TLL1: variants seen among roughly 807,000 people sequenced by gnomAD.
TLL1 encodes tolloid-like protein 1.
Under a neutral mutation model 128.2 loss-of-function variants are expected in TLL1, and 49 were observed. That is an observed-to-expected ratio of 0.38 (90% CI 0.30 to 0.48). The LOEUF (loss-of-function observed/expected upper bound fraction) is 0.48. Among genes scored for constraint, TLL1 ranks in the 20% least tolerant of loss-of-function variants. TLL1 has a pLI of 0.96. For synonymous variants in TLL1, 454 were observed against 418.8 expected, an observed-to-expected ratio of 1.08 and a Z score of -1.03; for missense variants, 1,123 against 1,242.0, an observed-to-expected ratio of 0.90 and a Z score of 1.44.
chr4:166,028,812 G>T (rs184502566), intron 9 of TLL1, among the ~76,000 whole-genome samples: 18 of 151,928 alleles, frequency 1.2e-4, no homozygotes, highest in African/African-American at 4.1e-4. Flanking sequence ...TAATATATTT[G>T]CCAGGTATAT....
At chr4:165,881,861 C>A (rs1486460297) in intron 1 of TLL1, among the ~76,000 whole-genome samples, 1 of 152,162 alleles carries the variant, frequency 6.6e-6, no homozygotes, top group Non-Finnish European at 1.5e-5. Context: ...AGAATTTAGT[C>A]ATGAGTGCCC....
intron 18 of TLL1, among the ~76,000 whole-genome samples, chr4:166,087,084 G>A (rs889861591): frequency 2.0e-5 from 3 of 152,098 alleles, no homozygotes; most frequent in African/African-American, 7.2e-5. Context: ...GAAAGACTCT[G>A]ATCATTAAAT....
chr4:165,976,670 A>G lies in TLL1; in HGVS notation c.170-12711A>G, dbSNP rs557679802. On this transcript the variant is annotated intron_variant, in intron 1 of 20. Coordinates refer to ENST00000061240, the MANE Select transcript of TLL1 (RefSeq NM_012464.5). ...CATATAAAGTGATTGTTACCAACATAGTAGGATATTAAAGCTATACACCAA... is the reference window on the plus strand; with the variant it reads ...CATATAAAGTGATTGTTACCAACATGGTAGGATATTAAAGCTATACACCAA... Among the ~76,000 whole-genome samples, 4 of 152,362 alleles carry G rather than the reference A, an allele frequency of 2.6e-5. No individual in the cohort carries two copies. The East Asian group carries it at 7.7e-4, about 29-fold the overall frequency.
At chr4:165,989,265 A>G in intron 1 of TLL1, 116 bp from the exon 2 acceptor site, 2 of 753,696 alleles carry the variant, frequency 2.7e-6, no homozygotes, top group Admixed American at 2.2e-5. Flanking sequence ...TTTCTGAAAG[A>G]TCTGTCTCTA....
intron 1 of TLL1, among the ~76,000 whole-genome samples, chr4:165,943,202 C>G (rs772290670): frequency 2.0e-5 from 3 of 151,944 alleles, no homozygotes; most frequent in Non-Finnish European, 4.4e-5. Flanking sequence ...TCCTTGCAGT[C>G]TAATTATTTA....
At chr4:166,072,304 A>G (rs1251407356) in intron 16 of TLL1, among the ~76,000 whole-genome samples, 1 of 151,970 alleles carries the variant, frequency 6.6e-6, no homozygotes, top group Non-Finnish European at 1.5e-5. Context: ...AAAATGACAG[A>G]TACTTAGAGA....
intron 12 of TLL1, among the ~76,000 whole-genome samples, chr4:166,046,860 C>T (rs573553999): frequency 1.3e-5 from 2 of 152,190 alleles, no homozygotes; most frequent in East Asian, 3.9e-4. Flanking sequence ...TTCAGTATTC[C>T]GAGCAACTTA....
At chr4:166,085,026 T>G (rs1741443827) in intron 18 of TLL1, among the ~76,000 whole-genome samples, 1 of 152,090 alleles carries the variant, frequency 6.6e-6, no homozygotes, top group African/African-American at 2.4e-5. Context: ...CAAAGTATTT[T>G]AATTTTTGGA....
intron 1 of TLL1, among the ~76,000 whole-genome samples, chr4:165,933,238 C>G (rs113174650): frequency 2.6e-5 from 4 of 152,308 alleles, no homozygotes; most frequent in African/African-American, 9.6e-5. Context: ...CCCCCATACA[C>G]TCCCTGAGAT....
At chr4:165,989,517 T>C (rs372357832) in intron 2 of TLL1, 26 bp downstream of exon 2, 39 of 1,567,296 alleles carry the variant, frequency 2.5e-5, no homozygotes, top group Non-Finnish European at 3.4e-5. Context: ...TCAGAAAATT[T>C]GTCTTTATTT....
At chr4:165,894,142 T>G (rs1389258197) in intron 1 of TLL1, among the ~76,000 whole-genome samples, 2 of 152,150 alleles carry the variant, frequency 1.3e-5, no homozygotes, top group African/African-American at 4.8e-5. Context: ...GAATAATGTC[T>G]GAAGCGATAA....
intron 1 of TLL1, among the ~76,000 whole-genome samples, chr4:165,882,413 CCT>C (rs1234494935): frequency 4.6e-5 from 7 of 151,846 alleles, no homozygotes; most frequent in Non-Finnish European, 5.9e-5. Context: ...TTTTTTCTTG[CCT>C]CTTTCTTTTC....
intron 5 of TLL1, among the ~76,000 whole-genome samples, chr4:165,998,940 G>T (rs760103499): frequency 6.6e-6 from 1 of 152,100 alleles, no homozygotes; most frequent in Non-Finnish European, 1.5e-5. Context: ...TAGGCAGTAC[G>T]GGTGTGCTAG....
At chr4:165,905,472 C>A (rs1732206740) in intron 1 of TLL1, among the ~76,000 whole-genome samples, 1 of 152,102 alleles carries the variant, frequency 6.6e-6, no homozygotes, top group Admixed American at 6.6e-5. Context: ...TTAAACTTTC[C>A]TTTAGCCCTG....
intron 1 of TLL1, among the ~76,000 whole-genome samples, chr4:165,899,477 T>C (rs1373697647): frequency 6.6e-6 from 1 of 152,134 alleles, no homozygotes; most frequent in Non-Finnish European, 1.5e-5. Context: ...ATTTCGTTAT[T>C]TACCTAGTAG....
intron 12 of TLL1, among the ~76,000 whole-genome samples, chr4:166,051,958 G>T (rs1394187169): frequency 6.6e-6 from 1 of 151,984 alleles, no homozygotes; most frequent in Non-Finnish European, 1.5e-5. Context: ...TTTACTCTTT[G>T]TGTATCATAT....
At chr4:166,090,999 G>T in intron 18 of TLL1, 129 bp from the exon 19 acceptor site, 3 of 693,250 alleles carry the variant, frequency 4.3e-6, no homozygotes, top group South Asian at 2.0e-5. Context: ...TCTTAATTAT[G>T]CTGTAAATGT....
chr4:165,969,240 A>G (rs1052579743), intron 1 of TLL1, among the ~76,000 whole-genome samples: 2 of 152,044 alleles, frequency 1.3e-5, no homozygotes, highest in African/African-American at 2.4e-5. Flanking sequence ...ACAATTTTTA[A>G]TTTGTTTCCT....
rs142301725 is a variant in TLL1 at position 165,893,308 on chromosome 4, A to T, written c.169+19235A>T. 3.4e-3 allele frequency among the ~76,000 whole-genome samples: 525 copies of T among 152,324 alleles called. 1 individual carries two copies. Among genetic ancestry groups the T allele is most frequent in the Non-Finnish European group, 5.7e-3 (388 of 68,034 alleles). ...AATATATGGAGCAATAGTTCTCAAGACACTGGGCATCAGGCAGCAAAGAAA... is the reference window on the plus strand; with the variant it reads ...AATATATGGAGCAATAGTTCTCAAGTCACTGGGCATCAGGCAGCAAAGAAA... On this transcript the variant is annotated intron_variant, in intron 1 of 20. Transcript: ENST00000061240.
Sources: gnomAD v4.1 joint callset for allele counts (sites outside exome capture counted in the v4.1 genomes callset) on GRCh38, gnomAD v4.1.1 for gene constraint, MANE v1.5 for transcripts, NCBI Gene and HGNC (gene_info 2026-07-23, HGNC 2026-07-21) for gene names.